The following RTF1 variants were observed in gnomAD, a reference collection of about 807,000 sequenced individuals.
RTF1 encodes RTF1 homolog, Paf1/RNA polymerase II complex component.
In RTF1, 10 loss-of-function variants were observed where a neutral mutation model predicts 95.7. That is an observed-to-expected ratio of 0.10 (90% CI 0.06 to 0.18). RTF1 has a LOEUF of 0.18. Among genes scored for constraint, RTF1 ranks in the 10% least tolerant of loss-of-function variants. The pLI, the probability that RTF1 is intolerant of heterozygous loss-of-function variation, is 1.00. For synonymous variants in RTF1, 305 were observed against 311.8 expected, an observed-to-expected ratio of 0.98 and a Z score of 0.23; for missense variants, 458 against 875.6, an observed-to-expected ratio of 0.52 and a Z score of 6.02.
intron 13 of RTF1, 47 bp from the exon 14 acceptor site, chr15:41,477,411 T>TC: frequency 1.2e-6 from 2 of 1,612,816 alleles, no homozygotes. Flanking sequence ...AGTGGTTCCC[T>TC]CCCTCCCTTG....
At chr15:41,427,344 G>C (rs972084554) in intron 1 of RTF1, among the ~76,000 whole-genome samples, 1 of 150,164 alleles carries the variant, frequency 6.7e-6, no homozygotes, top group East Asian at 2.0e-4. Context: ...GTAGAGACGG[G>C]GTTTCACCGT....
At chr15:41,460,811 A>C (rs978145752) in intron 4 of RTF1, among the ~76,000 whole-genome samples, 1 of 151,606 alleles carries the variant, frequency 6.6e-6, no homozygotes, top group African/African-American at 2.4e-5. Flanking sequence ...CTCCCACCTC[A>C]GCCTCCCAAG....
chr15:41,450,485 T>A lies in RTF1; in HGVS notation c.310-2416T>A, dbSNP rs553585337. ...CTGTAATCCCAGCTACTCGGGAGGC[T>A]GAGGCAGGACAATGGCGTGAACCGG... On this transcript the variant is annotated intron_variant, in intron 2 of 17. Transcript: ENST00000389629. Among the ~76,000 whole-genome samples, 3 of 151,004 alleles carry A rather than the reference T, an allele frequency of 2.0e-5. No individual in the cohort carries two copies. The East Asian group carries it at 5.8e-4, about 29-fold the overall frequency.
Position 41,428,366 on chromosome 15 carries a change from C to G in RTF1, c.199-9955C>G, listed in dbSNP as rs997817594. ...CACTGCAAGCTCTGCCTCCTGGGTT[C>G]ACACCATTCTCCCGCCTCAGCCTCC... On this transcript the variant is annotated intron_variant, in intron 1 of 17. Coordinates refer to ENST00000389629, the MANE Select transcript of RTF1 (RefSeq NM_015138.5). Among the ~76,000 whole-genome samples the G allele has an allele frequency of 4.3e-5, 6 of 137,938 alleles. No homozygotes were observed. In the East Asian group the frequency reaches 1.4e-3, roughly 32 times the overall value. The allele number at this position is 137,938 out of a possible 152,430, so 90.5% of individuals were successfully genotyped here.
intron 4 of RTF1, 100 bp from the exon 5 acceptor site, chr15:41,464,671 T>G: frequency 2.0e-6 from 2 of 998,806 alleles, no homozygotes; most frequent in Non-Finnish European, 2.9e-6. Flanking sequence ...AGCCAAAATA[T>G]CTATTAGCTC....
intron 1 of RTF1, among the ~76,000 whole-genome samples, chr15:41,418,784 C>CAAAAAAA (rs753790136): frequency 3.8e-5 from 2 of 52,818 alleles, no homozygotes; most frequent in African/African-American, 6.3e-5. Flanking sequence ...AACTCCATCA[C>CAAAAAAA]AAAAAAAAAA....
intron 1 of RTF1, among the ~76,000 whole-genome samples, chr15:41,429,354 C>T (rs1236179187): frequency 1.3e-5 from 2 of 152,058 alleles, no homozygotes; most frequent in African/African-American, 4.8e-5. Context: ...TTGTTTAATG[C>T]GACTGCTGTG....
At chr15:41,424,737 G>T (rs908507587) in intron 1 of RTF1, among the ~76,000 whole-genome samples, 10 of 152,178 alleles carry the variant, frequency 6.6e-5, no homozygotes, top group African/African-American at 2.2e-4. Flanking sequence ...TTGGCCAGGC[G>T]CAGTGGCTCA....
At position 41,478,365 on chromosome 15, in the gene RTF1, C is replaced by T; in HGVS notation, c.1741-183C>T. Reference sequence around the variant, plus strand: ...GCAATGAGCTGAGATTGCGTCACTGCACTTCAGCCTAGGCGACAGGGCGAG... The same window carrying T: ...GCAATGAGCTGAGATTGCGTCACTGTACTTCAGCCTAGGCGACAGGGCGAG... On this transcript the variant is annotated intron_variant, in intron 14 of 17. Transcript: ENST00000389629. The T allele has an allele frequency of 5.3e-6, 3 of 569,956 alleles. No individual in the cohort carries two copies. The South Asian group carries it at 6.8e-5, about 13-fold the overall frequency. The allele number at this position is 569,956 out of a possible 1,614,324, so 35.3% of individuals were successfully genotyped here.
intron 1 of RTF1, 132 bp downstream of exon 1, chr15:41,417,445 A>C: frequency 2.7e-6 from 2 of 733,298 alleles, no homozygotes; most frequent in Non-Finnish European, 1.9e-6. Context: ...GCACCACTAC[A>C]GCCCCTTTCC....
intron 3 of RTF1, among the ~76,000 whole-genome samples, chr15:41,454,181 C>G (rs1249136429): frequency 2.0e-5 from 3 of 152,132 alleles, no homozygotes; most frequent in African/African-American, 2.4e-5. Flanking sequence ...ACTGCAACCT[C>G]TGTGTCCCGG....
At chr15:41,460,878 T>TC (rs2050844375) in intron 4 of RTF1, among the ~76,000 whole-genome samples, 1 of 150,166 alleles carries the variant, frequency 6.7e-6, no homozygotes, top group African/African-American at 2.4e-5. Context: ...TTCTTTTTTT[T>TC]CTTTTTTTTT....
chr15:41,451,056 G>A (rs1185840410), intron 2 of RTF1, among the ~76,000 whole-genome samples: 2 of 152,064 alleles, frequency 1.3e-5, no homozygotes, highest in Non-Finnish European at 2.9e-5. Flanking sequence ...AAATTTCTAA[G>A]TTGGAAACAT....
intron 1 of RTF1, among the ~76,000 whole-genome samples, chr15:41,429,661 T>G (rs2050658703): frequency 6.6e-6 from 1 of 152,134 alleles, no homozygotes; most frequent in Non-Finnish European, 1.5e-5. Context: ...ACAGTTTCTC[T>G]TTCAGTTCTT....
intron 8 of RTF1, among the ~76,000 whole-genome samples, chr15:41,474,184 T>TTTTTG (rs1372632509): frequency 6.6e-6 from 1 of 152,200 alleles, no homozygotes. Context: ...GCCTGGATTG[T>TTTTTG]TTTTGTTTTG....
intron 2 of RTF1, among the ~76,000 whole-genome samples, chr15:41,445,729 A>G (rs1595431217): frequency 6.9e-6 from 1 of 145,524 alleles, no homozygotes; most frequent in African/African-American, 2.5e-5. Context: ...TCAACTCCTG[A>G]CCCCATTTTT....
intron 1 of RTF1, among the ~76,000 whole-genome samples, chr15:41,429,468 A>C (rs978912709): frequency 6.8e-6 from 1 of 146,500 alleles, no homozygotes; most frequent in Admixed American, 6.9e-5. Flanking sequence ...CTCTCTTTCC[A>C]GGAGTGCTCT....
intron 1 of RTF1, among the ~76,000 whole-genome samples, chr15:41,429,649 TCA>T (rs2050658653): frequency 1.3e-5 from 2 of 152,150 alleles, no homozygotes; most frequent in South Asian, 4.1e-4. Context: ...TAAACTTTAG[TCA>T]CAGTTTCTCT....
At position 41,473,528 on chromosome 15, in the gene RTF1, G is replaced by A. The variant is rs560794798; in HGVS notation, c.1204-1092G>A. Among the ~76,000 whole-genome samples the A allele has an allele frequency of 5.3e-5, 8 of 150,890 alleles. No homozygotes were observed. In the South Asian group the frequency reaches 1.5e-3, roughly 28 times the overall value. On this transcript the variant is annotated intron_variant, in intron 8 of 17. Transcript: ENST00000389629. ...TGGACTCAAGCCATCTTCCTGCCTC[G>A]GTTTTCGAAAGTGCTAGGTTTGCAG... is the stretch of plus-strand genomic sequence containing the variant.
Sources: allele counts gnomAD v4.1 joint callset (sites outside exome capture counted in the v4.1 genomes callset), GRCh38; gene constraint gnomAD v4.1.1; transcripts MANE v1.5; gene names NCBI Gene and HGNC (gene_info 2026-07-23, HGNC 2026-07-21).